KCMF1: variants seen among roughly 807,000 people sequenced by gnomAD.
The protein encoded by KCMF1 is potassium channel modulatory factor 1.
In KCMF1, 3 loss-of-function variants were observed where a neutral mutation model predicts 41.1. The ratio of observed to expected loss-of-function variants is 0.07; its 90% CI spans 0.03 to 0.19. KCMF1 has a LOEUF of 0.19. KCMF1 is among the 10% of genes least tolerant of loss of function. The pLI is 1.00. For missense variants in KCMF1, 286 were observed against 488.9 expected, an observed-to-expected ratio of 0.58 and a Z score of 3.91; for synonymous variants, 142 against 164.5, an observed-to-expected ratio of 0.86 and a Z score of 1.04.
intron 1 of KCMF1, among the ~76,000 whole-genome samples, chr2:84,974,025 A>G (rs1320549884): frequency 6.6e-6 from 1 of 151,532 alleles, no homozygotes; most frequent in Non-Finnish European, 1.5e-5. Context: ...ATCGGGTTTC[A>G]TCATGTTGGT....
Position 85,014,361 on chromosome 2 carries a change from A to G in KCMF1, c.17-13528A>G, listed in dbSNP as rs545781936. ...TACTTCTGGGGAAAAAAGGATTATT[A>G]TCAAAAGATATGCTTCAGTAGGCAA... is the stretch of plus-strand genomic sequence containing the variant. On this transcript the variant is annotated intron_variant, in intron 1 of 6. Coordinates refer to ENST00000409785, the MANE Select transcript of KCMF1 (RefSeq NM_020122.5). Among the ~76,000 whole-genome samples the G allele has an allele frequency of 5.9e-5, 9 of 152,290 alleles. No homozygotes were observed. In the South Asian group the frequency reaches 1.9e-3, roughly 32 times the overall value.
intron 1 of KCMF1, among the ~76,000 whole-genome samples, chr2:84,984,772 A>AT (rs1179720598): frequency 1.3e-5 from 2 of 152,208 alleles, no homozygotes; most frequent in African/African-American, 4.8e-5. Context: ...GTGAGCCAAG[A>AT]TTGCGCCATT....
At chr2:84,996,096 TG>T (rs1674170092) in intron 1 of KCMF1, among the ~76,000 whole-genome samples, 1 of 152,238 alleles carries the variant, frequency 6.6e-6, no homozygotes. Context: ...TCAGTGTGTA[TG>T]TTAAAATCAT....
intron 1 of KCMF1, among the ~76,000 whole-genome samples, chr2:85,024,582 G>T (rs868112772): frequency 5.8e-4 from 67 of 115,608 alleles, no homozygotes; most frequent in Non-Finnish European, 7.5e-4. Context: ...GAGAGAGAGA[G>T]AGTGTGTGTG....
At chr2:84,996,632 C>T (rs981695099) in intron 1 of KCMF1, among the ~76,000 whole-genome samples, 2 of 151,926 alleles carry the variant, frequency 1.3e-5, no homozygotes, top group African/African-American at 4.8e-5. Context: ...GACAGGGTTT[C>T]ACCATGTTGG....
intron 1 of KCMF1, among the ~76,000 whole-genome samples, chr2:85,023,696 C>A (rs1675012308): frequency 6.6e-6 from 1 of 152,154 alleles, no homozygotes; most frequent in African/African-American, 2.4e-5. Context: ...TGCACACAGA[C>A]AAAAGATTCC....
chr2:84,981,765 TTTTG>T (rs201977763), intron 1 of KCMF1, among the ~76,000 whole-genome samples: 15 of 151,928 alleles, frequency 9.9e-5, no homozygotes, highest in South Asian at 2.1e-4. Context: ...TCTCCAGGCT[TTTTG>T]TTTGTTTGTT....
Position 84,985,273 on chromosome 2 carries a change from G to T in KCMF1, c.16+13806G>T, listed in dbSNP as rs147129493. Among the ~76,000 whole-genome samples the T allele has an allele frequency of 9.6e-3, 1,454 of 152,244 alleles. 9 individuals carry two copies. Among genetic ancestry groups the T allele is most frequent in the Non-Finnish European group, 0.015 (1,018 of 68,014 alleles). On this transcript the variant is annotated intron_variant, in intron 1 of 6. Transcript: ENST00000409785. ...GCTGTGTTGAGGACTGTTGAACTGTGAATGCTTTGAGAAACACATTTCGGA... is the reference window on the plus strand; with the variant it reads ...GCTGTGTTGAGGACTGTTGAACTGTTAATGCTTTGAGAAACACATTTCGGA...
intron 1 of KCMF1, among the ~76,000 whole-genome samples, chr2:85,006,838 G>A (rs189216050): frequency 3.2e-4 from 48 of 151,332 alleles, no homozygotes; most frequent in African/African-American, 9.4e-4. Flanking sequence ...GGCCAGGCGC[G>A]GTGCTCATGC....
rs555993090 is a variant in KCMF1, at chr2:84,999,265, C to T, written c.16+27798C>T. ...TCCCGGGTTGAAGCAATTCTTCTGC[C>T]TCAGCCTCCCAAGTAGCTGGGATTA... On this transcript the variant is annotated intron_variant, in intron 1 of 6. Coordinates refer to ENST00000409785, the MANE Select transcript of KCMF1 (RefSeq NM_020122.5). Among the ~76,000 whole-genome samples the T allele has an allele frequency of 3.3e-5, 5 of 152,210 alleles. No individual in the cohort carries two copies. In the South Asian group the frequency reaches 1.0e-3, roughly 32 times the overall value.
At chr2:84,978,626 G>A (rs1673616913) in intron 1 of KCMF1, among the ~76,000 whole-genome samples, 1 of 150,184 alleles carries the variant, frequency 6.7e-6, no homozygotes, top group African/African-American at 2.4e-5. Flanking sequence ...GGCTCACTGT[G>A]GCCTCTGTCT....
rs568608619 is a variant in KCMF1, at chr2:85,022,169, A to T, written c.17-5720A>T. Among the ~76,000 whole-genome samples, 206 of 151,806 alleles carry T rather than the reference A, an allele frequency of 1.4e-3. 1 individual carries two copies. Among genetic ancestry groups the T allele is most frequent in the South Asian group, 7.1e-3 (34 of 4,812 alleles). ...TAATAAAAACATATTCATTCAACAA[A>T]CAATAAGAATCTACAACCTAGGCTG... On this transcript the variant is annotated intron_variant, in intron 1 of 6. Transcript: ENST00000409785.
chr2:85,021,287 G>T (rs578026638), intron 1 of KCMF1, among the ~76,000 whole-genome samples: 93 of 152,260 alleles, frequency 6.1e-4, no homozygotes, highest in African/African-American at 2.1e-3. Flanking sequence ...TTTAAAAGGT[G>T]TATATTATTG....
At chr2:84,999,438 A>G (rs955774135) in intron 1 of KCMF1, among the ~76,000 whole-genome samples, 3 of 152,216 alleles carry the variant, frequency 2.0e-5, no homozygotes, top group Non-Finnish European at 4.4e-5. Flanking sequence ...GGCGTGAGCC[A>G]CCACACCCGG....
intron 1 of KCMF1, among the ~76,000 whole-genome samples, chr2:84,981,290 T>C (rs376650917): frequency 0.022 from 3,393 of 151,168 alleles, 46 homozygotes; most frequent in Non-Finnish European, 0.031. Context: ...CCCGGGTTCA[T>C]GCCATTCTCC....
chr2:85,026,870 C>A (rs1195716315), intron 1 of KCMF1, among the ~76,000 whole-genome samples: 3 of 152,162 alleles, frequency 2.0e-5, no homozygotes, highest in Non-Finnish European at 1.5e-5. Context: ...CCTGCTAGTT[C>A]TTTCTGATGG....
intron 1 of KCMF1, among the ~76,000 whole-genome samples, chr2:85,026,823 C>T (rs914684832): frequency 6.6e-6 from 1 of 152,134 alleles, no homozygotes; most frequent in African/African-American, 2.4e-5. Context: ...ATTTGATGCC[C>T]CAATTCTGAT....
At position 85,053,196 on chromosome 2, in the gene KCMF1, C is replaced by T. The variant is rs1448365606; in HGVS notation, c.933C>T (p.Ser311=). 2.5e-6 allele frequency: 4 copies of T among 1,613,864 alleles called. No homozygotes were observed. Among genetic ancestry groups the T allele is most frequent in the Non-Finnish European group, 2.5e-6 (3 of 1,179,840 alleles). ...MSETERQSME[S]ERADRSLFVQ... ...AAACGGAGCGCCAGTCCATGGAAAG[C>T]GAGCGTGCAGACCGCAGCCTGTTTG... Residue 311 remains serine (S), a synonymous_variant, in exon 7 of 7, where the codon AGC becomes AGT. Transcript: ENST00000409785.
chr2:85,048,536 C>T (rs1254548441), intron 5 of KCMF1, among the ~76,000 whole-genome samples: 1 of 152,162 alleles, frequency 6.6e-6, no homozygotes, highest in Non-Finnish European at 1.5e-5. Flanking sequence ...TTTTTGCTGG[C>T]CTGAAAGTGT....
Sources: gnomAD v4.1 joint callset for allele counts (sites outside exome capture counted in the v4.1 genomes callset) on GRCh38, gnomAD v4.1.1 for gene constraint, MANE v1.5 for transcripts, NCBI Gene and HGNC (gene_info 2026-07-23, HGNC 2026-07-21) for gene names.